Variants in PTPRO observed in about 807,000 individuals in gnomAD.
PTPRO encodes receptor-type tyrosine-protein phosphatase O.
Under a neutral mutation model 145.2 loss-of-function variants are expected in PTPRO, and 62 were observed. The ratio of observed to expected loss-of-function variants is 0.43; its 90% CI spans 0.35 to 0.53. PTPRO has a LOEUF of 0.53. Among genes scored for constraint, PTPRO ranks in the 20% least tolerant of loss-of-function variants. The pLI is 0.01. For missense variants in PTPRO, 1,345 were observed against 1,482.7 expected, an observed-to-expected ratio of 0.91 and a Z score of 1.53; for synonymous variants, 565 against 514.7, an observed-to-expected ratio of 1.10 and a Z score of -1.32.
intron 19 of PTPRO, among the ~76,000 whole-genome samples, chr12:15,578,514 T>A (rs1307056086): frequency 6.6e-6 from 1 of 152,186 alleles, no homozygotes; most frequent in Admixed American, 6.5e-5. Flanking sequence ...CTGGGGCAGT[T>A]CTGCTTCAGG....
At chr12:15,452,090 C>T (rs938663196) in intron 1 of PTPRO, among the ~76,000 whole-genome samples, 21 of 151,816 alleles carry the variant, frequency 1.4e-4, no homozygotes, top group Admixed American at 3.9e-4. Flanking sequence ...AACTGATAGA[C>T]CATTAGTGAG....
intron 25 of PTPRO, 87 bp from the exon 26 acceptor site, chr12:15,594,850 G>A: frequency 1.1e-6 from 1 of 948,636 alleles, no homozygotes; most frequent in Non-Finnish European, 1.7e-6. Context: ...TTTAACACCA[G>A]ATCTTGATCA....
intron 12 of PTPRO, among the ~76,000 whole-genome samples, chr12:15,541,015 A>G (rs1346219170): frequency 2.0e-5 from 3 of 152,234 alleles, no homozygotes; most frequent in Non-Finnish European, 4.4e-5. Context: ...GGTATTTAAA[A>G]GCAAACAACC....
intron 1 of PTPRO, among the ~76,000 whole-genome samples, chr12:15,345,440 G>T (rs1867169502): frequency 6.6e-6 from 1 of 152,138 alleles, no homozygotes; most frequent in South Asian, 2.1e-4. Flanking sequence ...AAAAAAGGAT[G>T]AATTCATGTC....
chr12:15,400,051 CAAA>C (rs36062333), intron 1 of PTPRO, among the ~76,000 whole-genome samples: 6 of 54,096 alleles, frequency 1.1e-4, no homozygotes, highest in East Asian at 5.1e-4. Flanking sequence ...ACTCTTGTCT[CAAA>C]AAAAAAAAAA....
intron 20 of PTPRO, among the ~76,000 whole-genome samples, chr12:15,579,581 T>A (rs1480900149): frequency 1.3e-5 from 2 of 152,222 alleles, no homozygotes; most frequent in East Asian, 3.9e-4. Flanking sequence ...ACACTTCACA[T>A]CTGTACACAG....
intron 1 of PTPRO, among the ~76,000 whole-genome samples, chr12:15,481,403 C>A (rs565011607): frequency 2.6e-5 from 4 of 152,180 alleles, no homozygotes; most frequent in Non-Finnish European, 4.4e-5. Context: ...CAAGAACTTC[C>A]CTAGAACTTA....
At chr12:15,459,427 T>C (rs771382676) in intron 1 of PTPRO, among the ~76,000 whole-genome samples, 3 of 152,198 alleles carry the variant, frequency 2.0e-5, no homozygotes, top group Non-Finnish European at 4.4e-5. Context: ...ATGTAGTTCT[T>C]TCCTTCCCTC....
intron 1 of PTPRO, among the ~76,000 whole-genome samples, chr12:15,414,295 G>C (rs765106791): frequency 1.2e-4 from 19 of 152,166 alleles, no homozygotes; most frequent in Non-Finnish European, 2.4e-4. Context: ...TGTATTACAA[G>C]TTTCTGGGTG....
At chr12:15,477,351 T>G in intron 1 of PTPRO, among the ~76,000 whole-genome samples, 2 of 83,998 alleles carry the variant, frequency 2.4e-5, no homozygotes, top group East Asian at 4.1e-4. Flanking sequence ...GGGACTGTGG[T>G]GGGGAGGGGG....
intron 1 of PTPRO, among the ~76,000 whole-genome samples, chr12:15,448,099 G>A (rs1020954625): frequency 6.6e-6 from 1 of 151,848 alleles, no homozygotes. Context: ...TAGCAATATA[G>A]AACTACTCTG....
At chr12:15,434,853 G>A (rs1235520708) in intron 1 of PTPRO, among the ~76,000 whole-genome samples, 1 of 152,128 alleles carries the variant, frequency 6.6e-6, no homozygotes, top group Non-Finnish European at 1.5e-5. Context: ...GCAATAATAG[G>A]AGTTTGATTA....
intron 2 of PTPRO, among the ~76,000 whole-genome samples, chr12:15,489,947 A>G (rs1025317821): frequency 6.6e-6 from 1 of 152,256 alleles, no homozygotes; most frequent in African/African-American, 2.4e-5. Context: ...AGGCATACAT[A>G]GCATGGCACA....
Position 15,322,773 on chromosome 12 carries a change from C to T in PTPRO, c.47C>T (p.Pro16Leu). Residue 16 changes from proline (P) to leucine (L), a missense_variant, in exon 1 of 27, where the codon CCT (proline) becomes CTT (leucine). Physicochemically the swap from Pro to Leu is moderately conservative, Grantham distance 98. Around this residue, in one of 3 missense-constraint regions of PTPRO, gnomAD observed 1,130 missense variants for 1,214.7 expected, o/e 0.93. Coordinates refer to ENST00000281171, the MANE Select transcript of PTPRO (RefSeq NM_030667.3). The surrounding 1 kb of genome is among the most constrained non-coding windows in gnomAD (Gnocchi z 6.3). ...TGIHGARRLL[P>L]LLWLFVLFKN... ...ATACACGGCGCCCGCCGCCTCCTGC[C>T]TCTGCTCTGGCTCTTTGTGCTGTTC... 1.9e-6 allele frequency: 3 copies of T among 1,612,966 alleles called. No individual in the cohort carries two copies. Among genetic ancestry groups the T allele is most frequent in the Non-Finnish European group, 2.5e-6 (3 of 1,179,576 alleles).
At chr12:15,385,669 A>G (rs1939000551) in intron 1 of PTPRO, among the ~76,000 whole-genome samples, 1 of 151,970 alleles carries the variant, frequency 6.6e-6, no homozygotes, top group African/African-American at 2.4e-5. Flanking sequence ...AAAAGTAGTC[A>G]GCCATGGTGG....
At chr12:15,437,970 C>A (rs1010323596) in intron 1 of PTPRO, among the ~76,000 whole-genome samples, 1 of 152,182 alleles carries the variant, frequency 6.6e-6, no homozygotes, top group Non-Finnish European at 1.5e-5. Context: ...GCCTGGGCAA[C>A]AGAGAACTTC....
At chr12:15,409,527 A>C (rs551195839) in intron 1 of PTPRO, among the ~76,000 whole-genome samples, 2 of 152,264 alleles carry the variant, frequency 1.3e-5, no homozygotes, top group South Asian at 4.1e-4. Flanking sequence ...CCTGTCTATT[A>C]GGCTATTCTT....
At chr12:15,476,392 G>A (rs1004820556) in intron 1 of PTPRO, among the ~76,000 whole-genome samples, 9 of 151,978 alleles carry the variant, frequency 5.9e-5, no homozygotes, top group Non-Finnish European at 1.3e-4. Context: ...CATGTCCTTC[G>A]CCCACTTTTT....
chr12:15,582,813 T>C (rs1031446867), intron 23 of PTPRO, among the ~76,000 whole-genome samples: 4 of 152,184 alleles, frequency 2.6e-5, no homozygotes, highest in African/African-American at 4.8e-5. Context: ...GGGCTATTGA[T>C]TTCTGATGGA....
Sources: gnomAD v4.1 joint callset for allele counts (sites outside exome capture counted in the v4.1 genomes callset) on GRCh38, gnomAD v4.1.1 for gene constraint, gnomAD v4.1.1 regional missense constraint, Gnocchi (gnomAD v3.1) non-coding constraint, MANE v1.5 for transcripts, NCBI Gene and HGNC (gene_info 2026-07-23, HGNC 2026-07-21) for gene names.